CNKSR2: variants seen among roughly 807,000 people sequenced by gnomAD.
CNKSR2 encodes the protein CNK homolog protein 2.
Under a neutral mutation model 84.4 loss-of-function variants are expected in CNKSR2, and 14 were observed. The observed-to-expected ratio is 0.17, with a 90% CI of 0.11 to 0.26. CNKSR2 has a LOEUF of 0.26. Among genes scored for constraint, CNKSR2 ranks in the 10% least tolerant of loss-of-function variants. CNKSR2 has a pLI of 1.00. For missense variants in CNKSR2, 485 were observed against 771.2 expected (o/e 0.63, Z 4.40); for synonymous variants, 275 against 277.9 (o/e 0.99, Z 0.10).
intron 8 of CNKSR2, among the ~76,000 whole-genome samples, chrX:21,502,492 T>C (rs2091569448): frequency 9.1e-6 from 1 of 109,668 alleles, no homozygotes; most frequent in Admixed American, 9.7e-5. Flanking sequence ...CTCATCAGAG[T>C]GAGTAATTAT....
intron 20 of CNKSR2, among the ~76,000 whole-genome samples, chrX:21,612,299 C>T (rs1302541219): frequency 8.9e-6 from 1 of 112,071 alleles, no homozygotes; most frequent in Non-Finnish European, 1.9e-5. Flanking sequence ...GTGGCCATTA[C>T]ATCAGCCTTA....
At chrX:21,445,775 G>C (rs1339733298) in intron 4 of CNKSR2, among the ~76,000 whole-genome samples, 1 of 111,742 alleles carries the variant, frequency 8.9e-6, no homozygotes, top group Non-Finnish European at 1.9e-5. Context: ...TGAATTATAG[G>C]ATTTAATTCT....
intron 13 of CNKSR2, among the ~76,000 whole-genome samples, chrX:21,586,614 G>A (rs1041937038): frequency 9.0e-6 from 1 of 111,211 alleles, no homozygotes; most frequent in African/African-American, 3.3e-5. Flanking sequence ...AAACAATGAG[G>A]TGATTTTCTT....
chrX:21,582,345 T>G (rs1417890058), intron 13 of CNKSR2, among the ~76,000 whole-genome samples: 2 of 112,350 alleles, frequency 1.8e-5, no homozygotes, highest in East Asian at 5.6e-4. Context: ...AATCTTTCTG[T>G]TTTGGAGAAT....
chrX:21,398,258 A>G (rs982788628), intron 1 of CNKSR2, among the ~76,000 whole-genome samples: 1 of 112,165 alleles, frequency 8.9e-6, no homozygotes, highest in Non-Finnish European at 1.9e-5. Context: ...AAACAAATAC[A>G]TTAATAGATT....
intron 9 of CNKSR2, among the ~76,000 whole-genome samples, chrX:21,520,457 C>T (rs1300719136): frequency 2.0e-5 from 2 of 100,584 alleles, no homozygotes; most frequent in Non-Finnish European, 3.9e-5. Flanking sequence ...GATTGCTTAT[C>T]ATCAATTTCT....
At chrX:21,459,938 C>G (rs754565480) in intron 4 of CNKSR2, among the ~76,000 whole-genome samples, 3 of 111,692 alleles carry the variant, frequency 2.7e-5, no homozygotes, top group Admixed American at 9.6e-5. Flanking sequence ...AAATTAGACA[C>G]TGTTTTTCCC....
intron 20 of CNKSR2, among the ~76,000 whole-genome samples, chrX:21,647,648 C>T (rs2092709783): frequency 9.0e-6 from 1 of 111,575 alleles, no homozygotes. Flanking sequence ...AATAGATCTG[C>T]TCTTAGTATT....
chrX:21,498,273 G>A (rs1569206805), intron 7 of CNKSR2, among the ~76,000 whole-genome samples: 1 of 111,832 alleles, frequency 8.9e-6, no homozygotes, highest in African/African-American at 3.2e-5. Flanking sequence ...TAGCTGAGTG[G>A]TTTTCACAGT....
At chrX:21,501,372 A>AT (rs1417003590) in intron 7 of CNKSR2, 148 bp from the exon 8 acceptor site, 1 of 335,055 alleles carries the variant, frequency 3.0e-6, no homozygotes, top group East Asian at 4.6e-5. Flanking sequence ...TTAAATACTA[A>AT]TAACCGTGTT....
chrX:21,644,538 T>A (rs1337706828), intron 20 of CNKSR2: 2 of 112,131 alleles, frequency 1.8e-5, no homozygotes, highest in Non-Finnish European at 3.8e-5. Flanking sequence ...CACAGTCACC[T>A]GTTAGGGAAC....
intron 14 of CNKSR2, 50 bp from the exon 15 acceptor site, chrX:21,590,969 ATCC>A (rs1475950716): frequency 3.8e-6 from 4 of 1,052,451 alleles, no homozygotes; most frequent in Non-Finnish European, 5.1e-6. Flanking sequence ...CTATAGATTA[ATCC>A]TCTACTTTCA....
intron 20 of CNKSR2, among the ~76,000 whole-genome samples, chrX:21,646,213 G>A (rs1235762842): frequency 9.0e-6 from 1 of 111,220 alleles, no homozygotes; most frequent in Non-Finnish European, 1.9e-5. Context: ...AAATGTTTCT[G>A]TGTTCCGTCT....
At chrX:21,641,837 A>C (rs1391672230) in intron 20 of CNKSR2, 1 of 938,951 alleles carries the variant, frequency 1.1e-6, no homozygotes, top group African/African-American at 2.0e-5. Flanking sequence ...AGCTTTCTAC[A>C]TTGGGACTAG....
intron 17 of CNKSR2, among the ~76,000 whole-genome samples, chrX:21,596,563 A>C (rs1251827883): frequency 9.0e-6 from 1 of 111,509 alleles, no homozygotes. Context: ...TTTAAGCACA[A>C]AACTGTATAG....
At chrX:21,613,426 A>G (rs1428936564) in intron 20 of CNKSR2, among the ~76,000 whole-genome samples, 1 of 111,824 alleles carries the variant, frequency 8.9e-6, no homozygotes, top group Non-Finnish European at 1.9e-5. Flanking sequence ...CGGTGAAGTC[A>G]TGATGTCCTT....
chrX:21,378,301 A>T (rs111269537), intron 1 of CNKSR2, among the ~76,000 whole-genome samples: 1 of 111,976 alleles, frequency 8.9e-6, no homozygotes, highest in African/African-American at 3.2e-5. Context: ...ACCTTCTTCA[A>T]TTGGAAATTG....
chrX:21,508,884 A>G (rs951260580), intron 8 of CNKSR2, among the ~76,000 whole-genome samples: 4 of 112,116 alleles, frequency 3.6e-5, no homozygotes, highest in African/African-American at 1.3e-4. Flanking sequence ...TATTATCACT[A>G]TTTTCTTTCT....
At chrX:21,457,934 T>C (rs1269364339) in intron 4 of CNKSR2, among the ~76,000 whole-genome samples, 1 of 112,288 alleles carries the variant, frequency 8.9e-6, no homozygotes, top group Non-Finnish European at 1.9e-5. Context: ...CAAAGAGAAT[T>C]GGTTTCATTG....
Sources: allele counts gnomAD v4.1 joint callset (sites outside exome capture counted in the v4.1 genomes callset), GRCh38; gene constraint gnomAD v4.1.1; transcripts MANE v1.5; gene names NCBI Gene and HGNC (gene_info 2026-07-23, HGNC 2026-07-21).